The following KIAA0825 variants were observed in gnomAD, a reference collection of about 807,000 sequenced individuals.
KIAA0825 encodes KIAA0825, also known as uncharacterized protein KIAA0825.
A neutral mutation model predicts 147.6 loss-of-function variants in KIAA0825; 119 were observed. That is an observed-to-expected ratio of 0.81 (90% CI 0.69 to 0.94). KIAA0825 has a LOEUF of 0.94. KIAA0825 is among the 40% of genes least tolerant of loss of function. KIAA0825 has a pLI of 0.00. For synonymous variants in KIAA0825, 470 were observed against 518.1 expected (o/e 0.91, Z 1.26); for missense variants, 1,381 against 1,472.7 (o/e 0.94, Z 1.02).
intron 20 of KIAA0825, among the ~76,000 whole-genome samples, chr5:94,320,340 C>T (rs1294150799): frequency 1.3e-5 from 2 of 151,898 alleles, no homozygotes; most frequent in African/African-American, 4.8e-5. Flanking sequence ...AGGAACATTT[C>T]AAGTCCTCTC....
intron 20 of KIAA0825, among the ~76,000 whole-genome samples, chr5:94,347,155 C>A (rs1783094212): frequency 6.6e-6 from 1 of 152,152 alleles, no homozygotes; most frequent in Non-Finnish European, 1.5e-5. Context: ...CTCGGTAAGA[C>A]CCACCTAAGA....
At chr5:94,306,982 T>C (rs540959060) in intron 20 of KIAA0825, among the ~76,000 whole-genome samples, 1 of 151,966 alleles carries the variant, frequency 6.6e-6, no homozygotes, top group African/African-American at 2.4e-5. Flanking sequence ...GGTTCATGTA[T>C]CTATACCCAC....
At chr5:94,490,103 A>G (rs1244095504) in intron 5 of KIAA0825, among the ~76,000 whole-genome samples, 1 of 152,166 alleles carries the variant, frequency 6.6e-6, no homozygotes, top group Non-Finnish European at 1.5e-5. Flanking sequence ...TAGGAAAAAA[A>G]CCTAAAGAAT....
chr5:94,411,105 T>C (rs58184555), intron 15 of KIAA0825, among the ~76,000 whole-genome samples: 9,403 of 152,224 alleles, frequency 0.062, 375 homozygotes, highest in South Asian at 0.1. Context: ...TATAGCATCA[T>C]AAGGTTCTTA....
intron 15 of KIAA0825, among the ~76,000 whole-genome samples, chr5:94,411,130 T>A (rs978552388): frequency 6.6e-6 from 1 of 152,060 alleles, no homozygotes; most frequent in Non-Finnish European, 1.5e-5. Context: ...AGATGCAAAG[T>A]GGTATAATGT....
chr5:94,324,701 A>G (rs1032321665), intron 20 of KIAA0825, among the ~76,000 whole-genome samples: 3 of 151,966 alleles, frequency 2.0e-5, no homozygotes, highest in East Asian at 3.9e-4. Context: ...GATAACACCA[A>G]TGAAAGTCAA....
chr5:94,219,208 T>C (rs1039302265), intron 20 of KIAA0825, among the ~76,000 whole-genome samples: 1 of 152,146 alleles, frequency 6.6e-6, no homozygotes, highest in African/African-American at 2.4e-5. Flanking sequence ...TTACGTGTAA[T>C]ATATACAGTG....
chr5:94,384,568 C>T, intron 19 of KIAA0825, 110 bp from the exon 20 acceptor site: 2 of 805,714 alleles, frequency 2.5e-6, no homozygotes, highest in South Asian at 3.2e-5. Flanking sequence ...GAGGGGGGTC[C>T]AGAACAAGGA....
chr5:94,491,240 A>G (rs545399746), intron 5 of KIAA0825, among the ~76,000 whole-genome samples: 10 of 152,346 alleles, frequency 6.6e-5, no homozygotes, highest in African/African-American at 2.4e-4. Flanking sequence ...GAGGTGACAC[A>G]CAAAAGCTAC....
chr5:94,363,350 A>G (rs1300584403), intron 20 of KIAA0825, among the ~76,000 whole-genome samples: 1 of 151,902 alleles, frequency 6.6e-6, no homozygotes, highest in South Asian at 2.1e-4. Flanking sequence ...TCCATATTCT[A>G]TTTTTCTCTG....
intron 3 of KIAA0825, among the ~76,000 whole-genome samples, chr5:94,527,378 A>G (rs566765309): frequency 3.3e-5 from 5 of 152,026 alleles, no homozygotes; most frequent in African/African-American, 7.2e-5. Flanking sequence ...TAAGATTTCA[A>G]AAGTATTATC....
rs544518549 is a variant in KIAA0825 at position 94,294,977 on chromosome 5, G to A, written c.3710+89391C>T. 3.9e-5 allele frequency among the ~76,000 whole-genome samples: 6 copies of A among 152,188 alleles called. No individual in the cohort carries two copies. In the South Asian group the frequency reaches 8.3e-4, roughly 21 times the overall value. On this transcript the variant is annotated intron_variant, in intron 20 of 20. Coordinates refer to ENST00000682413, the MANE Select transcript of KIAA0825 (RefSeq NM_001145678.3). ...TTTGAATGTTGGCCTCTCTTGCTAG[G>A]TTGGGGAAGTTCTCCTGGATAATAT... is the stretch of plus-strand genomic sequence containing the variant.
In KIAA0825 at chr5:94,153,928, C is replaced by T; in HGVS notation, c.*79G>A. The T allele has an allele frequency of 1.1e-6, 1 of 939,488 alleles. No individual in the cohort carries two copies. The highest frequency in any genetic ancestry group is 1.7e-6 in the Non-Finnish European group (1 of 596,314). 58.2% of individuals were successfully genotyped at this position (939,488 alleles called of 1,614,324 possible). Reference sequence around the variant, plus strand: ...CATGCTTCACAGCACATATGAGGTTCATTCTGACTATGGTAAAAAATCCTA... The same window carrying T: ...CATGCTTCACAGCACATATGAGGTTTATTCTGACTATGGTAAAAAATCCTA... On this transcript the variant is annotated 3_prime_UTR_variant, in exon 21 of 21. Transcript: ENST00000682413.
At chr5:94,363,234 A>G (rs918873530) in intron 20 of KIAA0825, among the ~76,000 whole-genome samples, 2 of 151,696 alleles carry the variant, frequency 1.3e-5, no homozygotes, top group East Asian at 3.9e-4. Context: ...TCATTAACCT[A>G]GAATAATCAA....
At chr5:94,172,308 C>T (rs1583741715) in intron 20 of KIAA0825, among the ~76,000 whole-genome samples, 3 of 152,208 alleles carry the variant, frequency 2.0e-5, no homozygotes, top group African/African-American at 7.2e-5. Flanking sequence ...ACTGATGGCC[C>T]CAGGGCTTAG....
chr5:94,483,576 G>GT (rs960170551), intron 6 of KIAA0825, among the ~76,000 whole-genome samples: 2 of 150,908 alleles, frequency 1.3e-5, no homozygotes, highest in African/African-American at 2.4e-5. Flanking sequence ...CTTTTTTTTG[G>GT]TTTTTTTGGG....
intron 5 of KIAA0825, among the ~76,000 whole-genome samples, chr5:94,499,212 G>A (rs1584692732): frequency 6.6e-6 from 1 of 152,124 alleles, no homozygotes; most frequent in South Asian, 2.1e-4. Flanking sequence ...TCTCAGGGTT[G>A]AGTGACAGGA....
intron 20 of KIAA0825, among the ~76,000 whole-genome samples, chr5:94,312,014 A>T (rs907176141): frequency 2.6e-5 from 4 of 151,778 alleles, no homozygotes; most frequent in Admixed American, 1.3e-4. Flanking sequence ...TCTCTCCATT[A>T]GGCACATCTA....
rs1484083986 is a variant in KIAA0825, at chr5:94,439,998, G to A, written c.2481C>T (p.Ile827=). 3 of 1,551,506 alleles carry A rather than the reference G, an allele frequency of 1.9e-6. No individual in the cohort carries two copies. The African/African-American group carries it at 4.1e-5, about 21-fold the overall frequency. ...LLHHDGLLLR[I]LLKSSKQVSD... The stretch of plus-strand genomic sequence containing the variant: ...CATACTCACTTGAGCTCTTCAGCAA[G>A]ATTCTCAGTAAAAGTCCATCATGAT... The change falls in exon 14 of 21, where the codon ATC becomes ATT. Residue 827 remains isoleucine (I), a synonymous_variant. Transcript: ENST00000682413.
Sources: allele counts gnomAD v4.1 joint callset (sites outside exome capture counted in the v4.1 genomes callset), GRCh38; gene constraint gnomAD v4.1.1; transcripts MANE v1.5; gene names NCBI Gene and HGNC (gene_info 2026-07-23, HGNC 2026-07-21).